The following AFF3 variants were observed in gnomAD, a reference collection of about 807,000 sequenced individuals.
The protein encoded by AFF3 is ALF transcription elongation factor 3, also known as AF4/FMR2 family member 3.
Under a neutral mutation model 129.7 loss-of-function variants are expected in AFF3, and 32 were observed. The ratio of observed to expected loss-of-function variants is 0.25; its 90% confidence interval spans 0.19 to 0.33. The LOEUF is 0.33. AFF3 is among the 10% of genes least tolerant of loss of function. The probability of loss-of-function intolerance (pLI) is 1.00; values close to 1 mark genes in which losing one functional copy is unlikely to be tolerated. For synonymous variants in AFF3, 644 were observed against 635.4 expected (o/e 1.01, Z -0.20); for missense variants, 1,373 against 1,592.0 (o/e 0.86, Z 2.34).
intron 12 of AFF3, among the ~76,000 whole-genome samples, chr2:99,660,108 T>C (rs775510148): frequency 7.9e-5 from 12 of 152,210 alleles, no homozygotes; most frequent in Non-Finnish European, 1.3e-4. Context: ...CCAAATACAT[T>C]CTGGACCTTT....
At chr2:99,960,860 C>T (rs1677151241) in intron 7 of AFF3, among the ~76,000 whole-genome samples, 1 of 152,142 alleles carries the variant, frequency 6.6e-6, no homozygotes, top group African/African-American at 2.4e-5. Context: ...CTAATCAGGA[C>T]CCAGCCTCCA....
chr2:99,714,499 T>C (rs551198992), intron 11 of AFF3, among the ~76,000 whole-genome samples: 35 of 152,332 alleles, frequency 2.3e-4, no homozygotes, highest in African/African-American at 8.4e-4. Context: ...GCTGAAATGA[T>C]TGTGGCAAAT....
intron 7 of AFF3, among the ~76,000 whole-genome samples, chr2:99,923,451 C>T (rs1276225389): frequency 6.6e-6 from 1 of 152,168 alleles, no homozygotes; most frequent in African/African-American, 2.4e-5. Flanking sequence ...TATTTTATTT[C>T]GTTCACATTC....
chr2:99,682,959 T>A (rs2104569638), intron 11 of AFF3, among the ~76,000 whole-genome samples: 1 of 152,340 alleles, frequency 6.6e-6, no homozygotes, highest in East Asian at 1.9e-4. Context: ...AGTTTTCTGT[T>A]ATTCTTGCAT....
intron 19 of AFF3, 85 bp from the exon 20 acceptor site, chr2:99,565,708 A>C: frequency 6.9e-7 from 1 of 1,443,406 alleles, no homozygotes; most frequent in Middle Eastern, 1.8e-4. Flanking sequence ...ACCTTATTTG[A>C]GAAACCCAAC....
At chr2:99,643,347 C>T (rs940368700) in intron 13 of AFF3, among the ~76,000 whole-genome samples, 13 of 152,112 alleles carry the variant, frequency 8.5e-5, no homozygotes, top group South Asian at 2.1e-4. Context: ...CATGAGCTAC[C>T]GAGCCCAGCC....
chr2:99,940,472 G>A (rs1412458110), intron 7 of AFF3, among the ~76,000 whole-genome samples: 1 of 152,202 alleles, frequency 6.6e-6, no homozygotes, highest in East Asian at 1.9e-4. Context: ...AAAACAGGCT[G>A]CAGTAAAGAA....
chr2:99,771,485 T>C (rs1683486515), intron 8 of AFF3, among the ~76,000 whole-genome samples: 1 of 151,150 alleles, frequency 6.6e-6, no homozygotes, highest in African/African-American at 2.4e-5. Flanking sequence ...CCTGGTGTCC[T>C]GACAAGAGCA....
chr2:99,772,242 G>C (rs1683549610), intron 8 of AFF3, among the ~76,000 whole-genome samples: 2 of 152,204 alleles, frequency 1.3e-5, no homozygotes, highest in South Asian at 4.1e-4. Context: ...AGGCAGGGAA[G>C]GCAAATGGGG....
intron 4 of AFF3, among the ~76,000 whole-genome samples, chr2:100,041,837 T>C (rs568120816): frequency 6.6e-6 from 1 of 152,332 alleles, no homozygotes; most frequent in East Asian, 1.9e-4. Context: ...ATTTGCATCA[T>C]CACAAGTACA....
At position 99,740,660 on chromosome 2, in the gene AFF3, G is replaced by GT. The variant is rs1246188703; in HGVS notation, c.1039+3443dup. 4.6e-5 allele frequency among the ~76,000 whole-genome samples: 7 copies of GT among 151,788 alleles called. No individual in the cohort carries two copies. In the East Asian group the frequency reaches 1.4e-3, roughly 29 times the overall value. On this transcript the variant is annotated intron_variant, in intron 10 of 24. Transcript: ENST00000672756. ...CCTTTGCTCACTTTTTGATGGGGTT[G>GT]TTTGTTTTTTTTCTTGTAAATTTGT... is the stretch of plus-strand genomic sequence containing the variant.
intron 7 of AFF3, among the ~76,000 whole-genome samples, chr2:99,855,550 G>C (rs1033734678): frequency 3.3e-5 from 5 of 152,008 alleles, no homozygotes; most frequent in African/African-American, 4.8e-5. Flanking sequence ...GCTAGAACAA[G>C]AAAAGAATTA....
At chr2:99,989,614 T>C in intron 7 of AFF3, among the ~76,000 whole-genome samples, 1 of 152,226 alleles carries the variant, frequency 6.6e-6, no homozygotes, top group East Asian at 1.9e-4. Context: ...ACCAAAGCCT[T>C]ATAGCTAGTC....
chr2:99,955,784 T>A (rs1313956451), intron 7 of AFF3, among the ~76,000 whole-genome samples: 1 of 152,216 alleles, frequency 6.6e-6, no homozygotes, highest in East Asian at 1.9e-4. Context: ...CATGAAATCA[T>A]TCCAGTGTCT....
intron 8 of AFF3, among the ~76,000 whole-genome samples, chr2:99,823,130 A>G (rs1419756984): frequency 1.3e-5 from 2 of 152,108 alleles, no homozygotes; most frequent in Non-Finnish European, 2.9e-5. Context: ...CAGGCTCTCA[A>G]TCTGTAATCT....
intron 11 of AFF3, among the ~76,000 whole-genome samples, chr2:99,677,422 C>T (rs1404541632): frequency 6.6e-6 from 1 of 152,196 alleles, no homozygotes; most frequent in African/African-American, 2.4e-5. Flanking sequence ...TACATGAGAA[C>T]TGTGACACTT....
chr2:99,773,890 A>C (rs1401946836), intron 8 of AFF3, among the ~76,000 whole-genome samples: 2 of 152,202 alleles, frequency 1.3e-5, no homozygotes, highest in African/African-American at 4.8e-5. Context: ...GTCTCAGCAT[A>C]TAAAATCAAT....
At chr2:100,041,227 A>G (rs1373735727) in intron 4 of AFF3, among the ~76,000 whole-genome samples, 4 of 152,236 alleles carry the variant, frequency 2.6e-5, no homozygotes, top group African/African-American at 9.6e-5. Flanking sequence ...GCTGGACTTC[A>G]GGGAGCACAG....
At chr2:99,629,367 T>C (rs562204161) in intron 13 of AFF3, among the ~76,000 whole-genome samples, 1 of 152,252 alleles carries the variant, frequency 6.6e-6, no homozygotes, top group South Asian at 2.1e-4. Context: ...ATACCAACAA[T>C]AGCTGAGCCG....
Sources: gnomAD v4.1 joint callset for allele counts (sites outside exome capture counted in the v4.1 genomes callset) on GRCh38, gnomAD v4.1.1 for gene constraint, MANE v1.5 for transcripts, NCBI Gene and HGNC (gene_info 2026-07-23, HGNC 2026-07-21) for gene names.